Variants in POLR3D observed in about 807,000 individuals in gnomAD.
POLR3D encodes RNA polymerase III subunit D.
A neutral mutation model predicts 44.5 loss-of-function variants in POLR3D; 42 were observed. The ratio of observed to expected loss-of-function variants is 0.94; its 90% CI spans 0.74 to 1.22. The LOEUF (loss-of-function observed/expected upper bound fraction) is 1.22, where lower values mean the gene tolerates loss of function less well. POLR3D is among the 50% of genes most tolerant of loss of function. POLR3D has a pLI of 0.00. For synonymous variants in POLR3D, 217 were observed against 198.1 expected (o/e 1.10, Z -0.80); for missense variants, 507 against 505.2 (o/e 1.00, Z -0.03).
rs555566565 is a variant in POLR3D, at chr8:22,247,450, A to T, written c.209+186A>T. Among the ~76,000 whole-genome samples the T allele has an allele frequency of 3.9e-5, 6 of 152,256 alleles. 1 individual carries two copies. The highest frequency in any genetic ancestry group is 1.4e-4 in the African/African-American group (6 of 41,542). ...CTTTAAAAAATAAATAAATAAATAA[A>T]TAATTACTGGTGTCTAGGGTTCCAT... On this transcript the variant is annotated intron_variant, in intron 3 of 8. Transcript: ENST00000306433.
intron 3 of POLR3D, among the ~76,000 whole-genome samples, 167 bp downstream of exon 3, chr8:22,247,431 AAAAT>A (rs149905010): frequency 1.3e-5 from 2 of 152,162 alleles, no homozygotes; most frequent in South Asian, 2.1e-4. Flanking sequence ...CAAGCTTTAA[AAAAT>A]AAATAAATAA....
chr8:22,246,572 A>C (rs894410661), intron 2 of POLR3D, among the ~76,000 whole-genome samples: 1 of 151,808 alleles, frequency 6.6e-6, no homozygotes, highest in East Asian at 1.9e-4. Flanking sequence ...CAGCCTCCCG[A>C]GTAGCTGGGA....
Position 22,253,041 on chromosome 8 carries a change from G to A in POLR3D, c.*2523G>A, listed in dbSNP as rs1161212945. 1.3e-5 allele frequency: 2 copies of A among 152,214 alleles called. No individual in the cohort carries two copies. Among genetic ancestry groups the A allele is most frequent in the Non-Finnish European group, 2.9e-5 (2 of 68,048 alleles). 9.4% of individuals were successfully genotyped at this position (152,214 alleles called of 1,614,324 possible). ...GACAGATAACTGCCTATAACAGGAT[G>A]TGATCAGCACAAGTAACAGAAAATT... On this transcript the variant is annotated 3_prime_UTR_variant, in exon 9 of 9. Coordinates refer to ENST00000306433, the MANE Select transcript of POLR3D (RefSeq NM_001722.3).
rs547991945 is a variant in POLR3D at position 22,245,165 on chromosome 8, G to A, written c.-24G>A. On this transcript the variant is annotated 5_prime_UTR_variant, in exon 1 of 9. Coordinates refer to ENST00000306433, the MANE Select transcript of POLR3D (RefSeq NM_001722.3). ...CGCCCGGCGCGGAGACCGAAGGCTG[G>A]CGGCTGGTCGCGTTGCAGGTGAGGT... 14 of 584,360 alleles carry A rather than the reference G, an allele frequency of 2.4e-5. No homozygotes were observed. The East Asian group carries it at 4.4e-4, about 18-fold the overall frequency. The allele number at this position is 584,360 out of a possible 1,614,324, so 36.2% of individuals were successfully genotyped here.
At chr8:22,248,963 G>C in intron 6 of POLR3D, 81 bp from the exon 7 acceptor site, 1 of 1,507,112 alleles carries the variant, frequency 6.6e-7, no homozygotes, top group Non-Finnish European at 9.1e-7. Context: ...CAGTGGAGCA[G>C]ACAGGGGCAA....
At position 22,251,277 on chromosome 8, in the gene POLR3D, C is replaced by T. The variant is rs1008745715; in HGVS notation, c.*759C>T. 1 of 153,752 alleles carries T rather than the reference C, an allele frequency of 6.5e-6. No individual in the cohort carries two copies. The highest frequency in any genetic ancestry group is 2.4e-5 in the African/African-American group (1 of 41,566). 9.5% of individuals were successfully genotyped at this position (153,752 alleles called of 1,614,324 possible). A position where few individuals can be genotyped will look rare whatever the true frequency, so the allele number is the denominator to read the frequency against. ...TTCCTGCTTTATATCCCGTCCTCAC[C>T]CTGGGCCTGATGCCCTAAATTTATG... On this transcript the variant is annotated 3_prime_UTR_variant, in exon 9 of 9. Coordinates refer to ENST00000306433, the MANE Select transcript of POLR3D (RefSeq NM_001722.3).
rs1048088790 is a variant in POLR3D, at chr8:22,246,600, C to T, written c.166-621C>T. Among the ~76,000 whole-genome samples the T allele has an allele frequency of 9.9e-5, 15 of 152,164 alleles. 1 individual carries two copies. Among genetic ancestry groups the T allele is most frequent in the East Asian group, 7.7e-4 (4 of 5,190 alleles). ...AGCTGGGATTACAGGGGCCCGCCACCGCGCCCAGCTACTTTTTGTAGTTTT... is the reference window on the plus strand; with the variant it reads ...AGCTGGGATTACAGGGGCCCGCCACTGCGCCCAGCTACTTTTTGTAGTTTT... On this transcript the variant is annotated intron_variant, in intron 2 of 8. Coordinates refer to ENST00000306433, the MANE Select transcript of POLR3D (RefSeq NM_001722.3).
chr8:22,248,140 G>A lies in POLR3D; in HGVS notation c.362-14G>A. The A allele has an allele frequency of 6.2e-7, 1 of 1,613,708 alleles. No individual in the cohort carries two copies. Among genetic ancestry groups the A allele is most frequent in the South Asian group, 1.1e-5 (1 of 91,012 alleles). Reference sequence around the variant, plus strand: ...TCCTTATCGATCCCTAGTGACCTGGGTGATTTCCCACAGGGAACTGGGATA... The same window carrying A: ...TCCTTATCGATCCCTAGTGACCTGGATGATTTCCCACAGGGAACTGGGATA... On this transcript the variant is annotated splice_polypyrimidine_tract_variant and intron_variant, in intron 4 of 8. Coordinates refer to ENST00000306433, the MANE Select transcript of POLR3D (RefSeq NM_001722.3).
Position 22,252,804 on chromosome 8 carries a change from CT to C in POLR3D, c.*2290del, listed in dbSNP as rs1176596118. 2 of 152,208 alleles carry C rather than the reference CT, an allele frequency of 1.3e-5. No homozygotes were observed. The highest frequency in any genetic ancestry group is 4.8e-5 in the African/African-American group (2 of 41,450). The allele number at this position is 152,208 out of a possible 1,614,324, so 9.4% of individuals were successfully genotyped here. A position where few individuals can be genotyped will look rare whatever the true frequency, so the allele number is the denominator to read the frequency against. ...AAAGAAGGAACAATAGGCTTGCACA[CT>C]TTTCTAACTACATGTTTAAGTGGCA... On this transcript the variant is annotated 3_prime_UTR_variant, in exon 9 of 9. Transcript: ENST00000306433.
chr8:22,249,399 G>C, intron 7 of POLR3D, 90 bp downstream of exon 7: 1 of 1,389,176 alleles, frequency 7.2e-7, no homozygotes, highest in Non-Finnish European at 1.0e-6. Flanking sequence ...GTGTCACCCT[G>C]GCTGAAATGG....
chr8:22,245,377 G>A (rs567998987), intron 1 of POLR3D, 68 bp from the exon 2 acceptor site: 2 of 1,201,408 alleles, frequency 1.7e-6, no homozygotes, highest in South Asian at 3.1e-5. Flanking sequence ...GGAAAGCAAG[G>A]GGGTGGGGTT....
At chr8:22,248,774 A>G in intron 6 of POLR3D, 125 bp downstream of exon 6, 2 of 976,110 alleles carry the variant, frequency 2.0e-6, no homozygotes, top group Non-Finnish European at 3.1e-6. Flanking sequence ...TTCCGGCTGT[A>G]AGATACATGA....
At chr8:22,249,684 T>C (rs1830083140) in intron 7 of POLR3D, among the ~76,000 whole-genome samples, 1 of 152,046 alleles carries the variant, frequency 6.6e-6, no homozygotes. Context: ...TAGCCAGGCA[T>C]GGTGGCGTGT....
chr8:22,245,622 A>G lies in POLR3D; in HGVS notation c.165+8A>G. Reference sequence around the variant, plus strand: ...CTCGGGGGAGTCAAGAAGGTACCCAACGGCGCGTTTCTAAAGAAACTCAAC... The same window carrying G: ...CTCGGGGGAGTCAAGAAGGTACCCAGCGGCGCGTTTCTAAAGAAACTCAAC... On this transcript the variant is annotated splice_region_variant and intron_variant, in intron 2 of 8. Coordinates refer to ENST00000306433, the MANE Select transcript of POLR3D (RefSeq NM_001722.3). 8.0e-7 allele frequency: 1 copy of G among 1,252,280 alleles called. No individual in the cohort carries two copies. Among genetic ancestry groups the G allele is most frequent in the South Asian group, 4.0e-5 (1 of 25,080 alleles). 77.6% of individuals were successfully genotyped at this position (1,252,280 alleles called of 1,614,324 possible).
intron 2 of POLR3D, 105 bp from the exon 3 acceptor site, chr8:22,247,116 G>A (rs75308786): frequency 0.056 from 42,880 of 763,132 alleles, 1,542 homozygotes; most frequent in Admixed American, 0.1. Context: ...AACGAGAGCC[G>A]TGGTGGCCTT....
At chr8:22,247,337 C>G in intron 3 of POLR3D, 73 bp downstream of exon 3, 1 of 1,185,826 alleles carries the variant, frequency 8.4e-7, no homozygotes, top group Admixed American at 1.9e-5. Flanking sequence ...GGGGAAATAA[C>G]TAGGTTTGTA....
intron 2 of POLR3D, 66 bp downstream of exon 2, chr8:22,245,680 AT>A (rs1830032784): frequency 9.0e-7 from 1 of 1,115,386 alleles, no homozygotes; most frequent in Admixed American, 4.3e-5. Context: ...GATTCAACTA[AT>A]GTTTGTGTAG....
In POLR3D at chr8:22,245,595, C is replaced by T; in HGVS notation, c.146C>T (p.Thr49Ile). 1 of 1,258,566 alleles carries T rather than the reference C, an allele frequency of 7.9e-7. No homozygotes were observed. The highest frequency in any genetic ancestry group is 3.1e-5 in the East Asian group (1 of 32,516). The allele number at this position is 1,258,566 out of a possible 1,614,324, so 78.0% of individuals were successfully genotyped here. The change falls in exon 2 of 9, where the codon ACC becomes ATC. Residue 49 changes from threonine (T) to isoleucine (I), a missense_variant. Coordinates refer to ENST00000306433, the MANE Select transcript of POLR3D (RefSeq NM_001722.3). ...CCCTCCATCCGTTCCAGGGACCTCACCCTCGGGGGAGTCAAGAAGGTACCC... is the reference window on the plus strand; with the variant it reads ...CCCTCCATCCGTTCCAGGGACCTCATCCTCGGGGGAGTCAAGAAGGTACCC... ...RLPSIRSRDLTLGGVKKKTFT... is the reference protein window; with the variant it reads ...RLPSIRSRDLILGGVKKKTFT...
chr8:22,251,661 C>T lies in POLR3D; in HGVS notation c.*1143C>T, dbSNP rs1448718108. 1 of 153,114 alleles carries T rather than the reference C, an allele frequency of 6.5e-6. No individual in the cohort carries two copies. The highest frequency in any genetic ancestry group is 1.5e-5 in the Non-Finnish European group (1 of 68,050). 9.5% of individuals were successfully genotyped at this position (153,114 alleles called of 1,614,324 possible). The stretch of plus-strand genomic sequence containing the variant: ...GTCTCCTGTCCTAGCACTGCCAGAG[C>T]CACCTACTCAGTGTTACTTTTTTGG... On this transcript the variant is annotated 3_prime_UTR_variant, in exon 9 of 9. Transcript: ENST00000306433.
Sources: allele counts gnomAD v4.1 joint callset (sites outside exome capture counted in the v4.1 genomes callset), GRCh38; gene constraint gnomAD v4.1.1; transcripts MANE v1.5; gene names NCBI Gene and HGNC (gene_info 2026-07-23, HGNC 2026-07-21).